The following SLC6A20 variants were observed in gnomAD, a reference collection of about 807,000 sequenced individuals.
SLC6A20 encodes solute carrier family 6 member 20.
Under a neutral mutation model 64.3 loss-of-function variants are expected in SLC6A20, and 73 were observed. The observed-to-expected ratio is 1.14, with a 90% CI of 0.94 to 1.38. The LOEUF (loss-of-function observed/expected upper bound fraction) is 1.38. SLC6A20 is among the 40% of genes most tolerant of loss of function. The probability of loss-of-function intolerance (pLI) is 0.00; values close to 1 mark genes in which losing one functional copy is unlikely to be tolerated. For synonymous variants in SLC6A20, 347 were observed against 329.6 expected (o/e 1.05, Z -0.57); for missense variants, 725 against 772.8 (o/e 0.94, Z 0.73).
chr3:45,791,913 C>T (rs1575438988), intron 1 of SLC6A20, among the ~76,000 whole-genome samples: 1 of 152,154 alleles, frequency 6.6e-6, no homozygotes, highest in African/African-American at 2.4e-5. Flanking sequence ...TGGGTGGGGA[C>T]CAAACTCATA....
At chr3:45,791,697 A>G in intron 1 of SLC6A20, 1 of 159,206 alleles carries the variant, frequency 6.3e-6, no homozygotes, top group Non-Finnish European at 1.4e-5. Flanking sequence ...TTTTGGAAGA[A>G]GGTGAAGGGG....
rs554047664 is a variant in SLC6A20 at position 45,755,798 on chromosome 3, G to A, written c.*3180C>T. The A allele has an allele frequency of 1.3e-5, 2 of 152,698 alleles. No homozygotes were observed. The highest frequency in any genetic ancestry group is 1.9e-4 in the East Asian group (1 of 5,184). 9.5% of individuals were successfully genotyped at this position (152,698 alleles called of 1,614,324 possible). ...TGCTCTTCATGAAATTCACAGAAACGAGACATTTTCATCTGGAGCACATTA... is the reference window on the plus strand; with the variant it reads ...TGCTCTTCATGAAATTCACAGAAACAAGACATTTTCATCTGGAGCACATTA... On this transcript the variant is annotated 3_prime_UTR_variant, in exon 11 of 11. Transcript: ENST00000358525.
chr3:45,781,977 C>G, intron 2 of SLC6A20, 106 bp downstream of exon 2: 1 of 1,401,320 alleles, frequency 7.1e-7, no homozygotes, highest in Non-Finnish European at 9.4e-7. Context: ...CTCTCTTGGG[C>G]CTTGTGCTCG....
chr3:45,769,368 A>C (rs927111661), intron 7 of SLC6A20, among the ~76,000 whole-genome samples: 4 of 152,122 alleles, frequency 2.6e-5, no homozygotes, highest in Admixed American at 6.5e-5. Flanking sequence ...TTTCCAATGA[A>C]ACTTATCAAA....
chr3:45,760,120 C>G (rs550442307), intron 9 of SLC6A20, 98 bp from the exon 10 acceptor site: 1 of 1,372,082 alleles, frequency 7.3e-7, no homozygotes, highest in African/African-American at 1.4e-5. Context: ...ACATTCTGTT[C>G]TAGGTGGTAA....
intron 3 of SLC6A20, among the ~76,000 whole-genome samples, chr3:45,778,541 C>T (rs1231588225): frequency 6.6e-6 from 1 of 152,160 alleles, no homozygotes. Flanking sequence ...GAAAAAGATG[C>T]CCCTTTCTTG....
At chr3:45,771,178 C>T (rs770744187) in intron 6 of SLC6A20, 39 bp downstream of exon 6, 1 of 1,613,190 alleles carries the variant, frequency 6.2e-7, no homozygotes, top group Non-Finnish European at 8.5e-7. Context: ...GCTCAGAGCT[C>T]AGGGAGGCCT....
intron 3 of SLC6A20, among the ~76,000 whole-genome samples, chr3:45,777,133 A>G (rs1001572958): frequency 1.3e-5 from 2 of 152,184 alleles, no homozygotes; most frequent in Non-Finnish European, 2.9e-5. Context: ...ACAAAAACGC[A>G]TCATTAATGG....
chr3:45,785,798 TGGGCTGGCCTTG>T (rs1425854370), intron 1 of SLC6A20, among the ~76,000 whole-genome samples: 1 of 152,222 alleles, frequency 6.6e-6, no homozygotes, highest in Non-Finnish European at 1.5e-5. Context: ...ACTGTGAGGC[TGGGCTGGCCTTG>T]GGGCTGGCTT....
At chr3:45,783,438 A>G (rs986749180) in intron 1 of SLC6A20, among the ~76,000 whole-genome samples, 4 of 152,114 alleles carry the variant, frequency 2.6e-5, no homozygotes, top group Admixed American at 1.3e-4. Context: ...CACTCTTCTC[A>G]CCCTATGGCA....
chr3:45,782,204 G>A lies in SLC6A20; in HGVS notation c.141C>T (p.Tyr47=), dbSNP rs1700103984. ...MYGGGSFLVP[Y]IIMLIVEGMP... is the part of the protein sequence containing the mutation. ...TTCCCTCCACGATAAGCATGATGAT[G>A]TAGGGGACCAGGAAACTACCTGTGG... Residue 47 remains tyrosine, a synonymous_variant, in exon 2 of 11, where the codon TAC becomes TAT. Transcript: ENST00000358525. 1.1e-5 allele frequency: 17 copies of A among 1,613,360 alleles called. No individual in the cohort carries two copies. Among genetic ancestry groups the A allele is most frequent in the Non-Finnish European group, 1.3e-5 (15 of 1,179,684 alleles).
chr3:45,775,725 C>T (rs781675292), intron 4 of SLC6A20, 36 bp downstream of exon 4: 16 of 1,587,146 alleles, frequency 1.0e-5, no homozygotes, highest in East Asian at 6.7e-5. Flanking sequence ...CTCCCACCCA[C>T]CAGGAGCACC....
chr3:45,767,439 C>T (rs1699795524), intron 7 of SLC6A20, among the ~76,000 whole-genome samples: 1 of 151,642 alleles, frequency 6.6e-6, no homozygotes, highest in Admixed American at 6.6e-5. Flanking sequence ...AGTTAAATAC[C>T]AGATTAGATG....
At position 45,765,699 on chromosome 3, in the gene SLC6A20, C is replaced by T. The variant is rs1699765198; in HGVS notation, c.1141G>A (p.Ala381Thr). 1.9e-6 allele frequency: 3 copies of T among 1,614,072 alleles called. No individual in the cohort carries two copies. Among genetic ancestry groups the T allele is most frequent in the Non-Finnish European group, 2.5e-6 (3 of 1,180,038 alleles). ...TGGGACACCTCCATGTTTTTAATGG[C>T]CTCTGTGTAGACGATGAATGCCAGG... The part of the protein sequence containing the change: ...TGLAFIVYTE[A>T]IKNMEVSQLW... Residue 381 changes from alanine to threonine, a missense_variant, in exon 8 of 11, where the codon GCC (alanine) becomes ACC (threonine). Ala to Thr is a moderately conservative substitution (Grantham distance 58). Transcript: ENST00000358525. The surrounding 1 kb of genome is among the most constrained non-coding windows in gnomAD (Gnocchi z 4.2).
At chr3:45,773,238 G>A (rs771889042) in intron 4 of SLC6A20, among the ~76,000 whole-genome samples, 24 of 152,214 alleles carry the variant, frequency 1.6e-4, no homozygotes, top group Admixed American at 1.3e-3. Context: ...GAGGTGTAGC[G>A]TAGAGGACAA....
chr3:45,770,980 C>T (rs1699852668), intron 6 of SLC6A20, among the ~76,000 whole-genome samples: 2 of 152,164 alleles, frequency 1.3e-5, no homozygotes, highest in South Asian at 2.1e-4. Flanking sequence ...AAAATTTGAT[C>T]ATTGTATGTC....
In SLC6A20 at chr3:45,762,987, G is replaced by A. The variant is rs774381868; in HGVS notation, c.1389C>T (p.Tyr463=). 8 of 1,614,012 alleles carry A rather than the reference G, an allele frequency of 5.0e-6. No individual in the cohort carries two copies. In the Admixed American group the frequency reaches 6.7e-5, roughly 13 times the overall value. The change falls in exon 9 of 11, where the codon TAC becomes TAT. Residue 463 remains tyrosine, a synonymous_variant. Coordinates refer to ENST00000358525, the MANE Select transcript of SLC6A20 (RefSeq NM_020208.4). ...TGAGCAGCAGGGACAGTGTGGCCGC[G>A]TAGTCGTTGAATATGTCAAACCAGT... ...GNYWFDIFND[Y]AATLSLLLIV... is the part of the protein sequence containing the mutation.
chr3:45,776,411 A>T (rs1277733981), intron 3 of SLC6A20, among the ~76,000 whole-genome samples: 1 of 152,108 alleles, frequency 6.6e-6, no homozygotes, highest in Non-Finnish European at 1.5e-5. Context: ...TGATTGAGAG[A>T]GTCCCTATTT....
At chr3:45,776,333 A>G (rs563423889) in intron 3 of SLC6A20, among the ~76,000 whole-genome samples, 1 of 152,270 alleles carries the variant, frequency 6.6e-6, no homozygotes, top group East Asian at 1.9e-4. Context: ...CGGCCTGTGC[A>G]CAATCAGCTC....
Sources: gnomAD v4.1 joint callset for allele counts (sites outside exome capture counted in the v4.1 genomes callset) on GRCh38, gnomAD v4.1.1 for gene constraint, Gnocchi (gnomAD v3.1) non-coding constraint, MANE v1.5 for transcripts, NCBI Gene and HGNC (gene_info 2026-07-23, HGNC 2026-07-21) for gene names.